Variants in KATNBL1 observed in about 807,000 individuals in gnomAD.
KATNBL1 encodes the protein KATNB1-like protein 1.
KATNBL1 carries 28 observed loss-of-function variants against 44.7 expected under a neutral mutation model. That is an observed-to-expected ratio of 0.63 (90% confidence interval 0.46 to 0.86). KATNBL1 has a LOEUF of 0.86. Ranked by LOEUF, KATNBL1 falls within the 40% of genes least tolerant of loss-of-function variation. The probability of loss-of-function intolerance (pLI) is 0.00; values close to 1 mark genes in which losing one functional copy is unlikely to be tolerated. For missense variants in KATNBL1, 272 were observed against 350.7 expected, an observed-to-expected ratio of 0.78 and a Z score of 1.79; for synonymous variants, 78 against 114.9, an observed-to-expected ratio of 0.68 and a Z score of 2.06.
At chr15:34,175,066 A>G (rs1013516745) in intron 1 of KATNBL1, among the ~76,000 whole-genome samples, 2 of 151,994 alleles carry the variant, frequency 1.3e-5, no homozygotes, top group African/African-American at 4.8e-5. Flanking sequence ...CCAGGGCAAC[A>G]TACTAAGATT....
rs1888341399 is a variant in KATNBL1, at chr15:34,147,385, G to C, written c.603C>G (p.Thr201=). Residue 201 remains threonine, a synonymous_variant, in exon 6 of 10, where the codon ACC becomes ACG. Transcript: ENST00000256544. ...CTGAAAAATATTGTTTTTACCAATTGGTGAGCACAGGAAGGCAATCTACCA... is the reference window on the plus strand; with the variant it reads ...CTGAAAAATATTGTTTTTACCAATTCGTGAGCACAGGAAGGCAATCTACCA... The part of the protein sequence containing the change: ...GVVVDCLPVL[T]NCLQEEKQYI... The C allele has an allele frequency of 6.2e-7, 1 of 1,612,064 alleles. No homozygotes were observed. The highest frequency in any genetic ancestry group is 1.3e-5 in the African/African-American group (1 of 74,792).
At chr15:34,168,680 T>C (rs1302970227) in intron 1 of KATNBL1, among the ~76,000 whole-genome samples, 1 of 152,108 alleles carries the variant, frequency 6.6e-6, no homozygotes, top group Non-Finnish European at 1.5e-5. Context: ...ATTGACCACA[T>C]AGTTGGAAGT....
intron 9 of KATNBL1, among the ~76,000 whole-genome samples, chr15:34,143,332 A>T (rs1954752866): frequency 6.6e-6 from 1 of 151,844 alleles, no homozygotes; most frequent in Non-Finnish European, 1.5e-5. Flanking sequence ...AAAATTAGCC[A>T]GGCATGTGTG....
At chr15:34,151,503 G>C (rs1246528309) in intron 4 of KATNBL1, among the ~76,000 whole-genome samples, 1 of 124,966 alleles carries the variant, frequency 8.0e-6, no homozygotes, top group Non-Finnish European at 1.6e-5. Flanking sequence ...CCAGGCTGGA[G>C]TGCAGTGACA....
rs905909499 is a variant in KATNBL1 at position 34,145,468 on chromosome 15, T to C, written c.812A>G (p.Gln271Arg). 1.4e-6 allele frequency: 2 copies of C among 1,454,026 alleles called. No homozygotes were observed. Among genetic ancestry groups the C allele is most frequent in the African/African-American group, 3.0e-5 (2 of 66,938 alleles). 90.1% of individuals were successfully genotyped at this position (1,454,026 alleles called of 1,614,324 possible). ...NDGNIQILKQQLSGLWEQENH... is the reference protein window; with the variant it reads ...NDGNIQILKQRLSGLWEQENH... ...TTCCTGTTCCCATAATCCACTTAAT[T>C]GTTGTTTTAAAATTTGAATATTTCT... The change falls in exon 9 of 10, where the codon CAA becomes CGA. Residue 271 changes from glutamine to arginine, a missense_variant. Transcript: ENST00000256544.
At chr15:34,148,187 C>G (rs1022624116) in intron 5 of KATNBL1, among the ~76,000 whole-genome samples, 4 of 152,062 alleles carry the variant, frequency 2.6e-5, no homozygotes, top group Admixed American at 6.6e-5. Context: ...TTTCCCATAT[C>G]GTTATCTCTT....
intron 1 of KATNBL1, among the ~76,000 whole-genome samples, chr15:34,195,690 CA>C (rs5811824): frequency 0.086 from 9,562 of 111,314 alleles, 382 homozygotes; most frequent in Middle Eastern, 0.16. Context: ...GACGCCATCT[CA>C]AAAAAAAAAA....
At chr15:34,203,429 A>G (rs1161354686) in intron 1 of KATNBL1, among the ~76,000 whole-genome samples, 1 of 152,098 alleles carries the variant, frequency 6.6e-6, no homozygotes, top group East Asian at 1.9e-4. Context: ...AACATTTCAA[A>G]CTTATTTCCA....
intron 1 of KATNBL1, among the ~76,000 whole-genome samples, chr15:34,195,690 C>CAAAAAAAAAAAAAAAAAAA (rs5811824): frequency 2.7e-5 from 3 of 111,420 alleles, no homozygotes; most frequent in African/African-American, 1.1e-4. Context: ...GACGCCATCT[C>CAAAAAAAAAAAAAAAAAAA]AAAAAAAAAA....
At chr15:34,146,142 C>T (rs1276930743) in intron 8 of KATNBL1, 1 of 152,240 alleles carries the variant, frequency 6.6e-6, no homozygotes, top group Non-Finnish European at 1.5e-5. Context: ...GACGGGATGT[C>T]ATCATGTTGC....
At chr15:34,166,585 G>C (rs756269651) in intron 1 of KATNBL1, among the ~76,000 whole-genome samples, 5 of 152,220 alleles carry the variant, frequency 3.3e-5, no homozygotes, top group Non-Finnish European at 7.3e-5. Context: ...AGAGAGCAGT[G>C]GTTCTCCCAA....
chr15:34,190,853 C>G (rs1002528211), intron 1 of KATNBL1, among the ~76,000 whole-genome samples: 6 of 152,054 alleles, frequency 3.9e-5, no homozygotes, highest in African/African-American at 1.4e-4. Context: ...AATGGAAATA[C>G]AGAAGACACA....
At chr15:34,188,162 A>AAAAAAAAAAAAG (rs1567534700) in intron 1 of KATNBL1, among the ~76,000 whole-genome samples, 1 of 148,924 alleles carries the variant, frequency 6.7e-6, no homozygotes, top group Non-Finnish European at 1.5e-5. Context: ...AAAAAAAAAA[A>AAAAAAAAAAAAG]AAAGAAAATT....
chr15:34,196,890 C>T (rs1374086473), intron 1 of KATNBL1, among the ~76,000 whole-genome samples: 1 of 152,214 alleles, frequency 6.6e-6, no homozygotes, highest in African/African-American at 2.4e-5. Context: ...CTAATCTACA[C>T]CTTATTTGAT....
intron 1 of KATNBL1, among the ~76,000 whole-genome samples, chr15:34,184,330 G>A (rs1889655304): frequency 7.1e-6 from 1 of 141,386 alleles, no homozygotes; most frequent in Non-Finnish European, 1.5e-5. Flanking sequence ...AGCTGGGCGT[G>A]GTGGTGCGCA....
Position 34,150,216 on chromosome 15 carries a change from A to C in KATNBL1, c.439-1466T>G, listed in dbSNP as rs369313751. ...TTAGTGAAAAGTAGTGAAAATGAGA[A>C]TGTAAAGTAAAAAGAGGTTCTTGAG... On this transcript the variant is annotated intron_variant, in intron 4 of 9. Transcript: ENST00000256544. 1.2e-4 allele frequency among the ~76,000 whole-genome samples: 19 copies of C among 152,352 alleles called. No individual in the cohort carries two copies. The East Asian group carries it at 1.9e-3, about 15-fold the overall frequency.
chr15:34,150,099 T>C (rs527599916), intron 4 of KATNBL1, among the ~76,000 whole-genome samples: 2 of 152,324 alleles, frequency 1.3e-5, no homozygotes, highest in East Asian at 3.9e-4. Context: ...GGTATCACTT[T>C]CAGATTTAGG....
chr15:34,198,067 T>C (rs1890072844), intron 1 of KATNBL1, among the ~76,000 whole-genome samples: 1 of 152,174 alleles, frequency 6.6e-6, no homozygotes, highest in Non-Finnish European at 1.5e-5. Context: ...GTTTCTTTTC[T>C]TGACACAAAA....
At chr15:34,160,197 C>G (rs577210061) in intron 2 of KATNBL1, among the ~76,000 whole-genome samples, 1 of 152,148 alleles carries the variant, frequency 6.6e-6, no homozygotes, top group Non-Finnish European at 1.5e-5. Context: ...TACCTTTGAG[C>G]CTCCTGGCTT....
Sources: gnomAD v4.1 joint callset for allele counts (sites outside exome capture counted in the v4.1 genomes callset) on GRCh38, gnomAD v4.1.1 for gene constraint, MANE v1.5 for transcripts, NCBI Gene and HGNC (gene_info 2026-07-23, HGNC 2026-07-21) for gene names.